FBXL17: variants seen among roughly 807,000 people sequenced by gnomAD.
The protein encoded by FBXL17 is F-box and leucine rich repeat protein 17, also known as F-box/LRR-repeat protein 17.
A neutral mutation model predicts 66.2 loss-of-function variants in FBXL17; 22 were observed. The observed-to-expected ratio is 0.33, with a 90% CI of 0.24 to 0.47. FBXL17 has a LOEUF of 0.47. FBXL17 is among the 20% of genes least tolerant of loss of function. FBXL17 has a pLI of 1.00. For synonymous variants in FBXL17, 474 were observed against 400.5 expected, an observed-to-expected ratio of 1.18 and a Z score of -2.19; for missense variants, 878 against 948.2, an observed-to-expected ratio of 0.93 and a Z score of 0.97.
At chr5:108,138,170 G>T (rs1751216228) in intron 6 of FBXL17, among the ~76,000 whole-genome samples, 1 of 152,178 alleles carries the variant, frequency 6.6e-6, no homozygotes, top group African/African-American at 2.4e-5. Context: ...CTAGCTAATT[G>T]GAGATATCTT....
chr5:108,238,567 G>C (rs923901483), intron 4 of FBXL17, among the ~76,000 whole-genome samples: 1 of 152,170 alleles, frequency 6.6e-6, no homozygotes, highest in Non-Finnish European at 1.5e-5. Flanking sequence ...CTGAAGTGCA[G>C]TGGTGCAATC....
At chr5:107,961,948 C>T (rs759800927) in intron 7 of FBXL17, among the ~76,000 whole-genome samples, 2 of 151,994 alleles carry the variant, frequency 1.3e-5, no homozygotes, top group Admixed American at 6.6e-5. Context: ...TTTACATTTA[C>T]AATAAGAAAC....
chr5:108,208,207 A>T (rs1205667614), intron 5 of FBXL17, among the ~76,000 whole-genome samples: 2 of 152,094 alleles, frequency 1.3e-5, no homozygotes, highest in African/African-American at 4.8e-5. Flanking sequence ...TAGATTCTGG[A>T]TATTAACCCT....
intron 7 of FBXL17, among the ~76,000 whole-genome samples, chr5:107,971,485 AT>A (rs1381796086): frequency 6.6e-6 from 1 of 152,228 alleles, no homozygotes; most frequent in South Asian, 2.1e-4. Context: ...AAACTATGCT[AT>A]TTTTTATGAG....
intron 4 of FBXL17, among the ~76,000 whole-genome samples, chr5:108,321,636 G>C (rs1206133954): frequency 6.6e-6 from 1 of 151,366 alleles, no homozygotes; most frequent in African/African-American, 2.4e-5. Context: ...CATTCAAAAA[G>C]TGCTGTTTTG....
In FBXL17 at chr5:108,234,645, C is replaced by T. The variant is rs114917827; in HGVS notation, c.1507-10417G>A. Among the ~76,000 whole-genome samples the T allele has an allele frequency of 2.8e-3, 433 of 152,264 alleles. 3 individuals carry two copies. The highest frequency in any genetic ancestry group is 9.6e-3 in the African/African-American group (401 of 41,560). ...AGGGAATTTTCTGAGAGAAGTGTTA[C>T]CACTTGATTACTGTTTTCATCTCCT... On this transcript the variant is annotated intron_variant, in intron 4 of 8. Coordinates refer to ENST00000542267, the MANE Select transcript of FBXL17 (RefSeq NM_001163315.3).
At chr5:108,138,906 C>T (rs573271020) in intron 6 of FBXL17, among the ~76,000 whole-genome samples, 33 of 152,228 alleles carry the variant, frequency 2.2e-4, no homozygotes, top group African/African-American at 6.7e-4. Flanking sequence ...ACAAATTTTA[C>T]GGAGAGAGCC....
intron 4 of FBXL17, among the ~76,000 whole-genome samples, chr5:108,310,404 A>G (rs73781320): frequency 0.073 from 11,167 of 152,230 alleles, 1,353 homozygotes; most frequent in African/African-American, 0.25. Flanking sequence ...TACTCGAAAA[A>G]AATGTTTTTA....
intron 7 of FBXL17, among the ~76,000 whole-genome samples, chr5:107,965,948 A>AC (rs1561342964): frequency 6.6e-6 from 1 of 152,000 alleles, no homozygotes; most frequent in African/African-American, 2.4e-5. Context: ...GTCTAGTGAC[A>AC]GTTTTTTTTC....
Position 108,380,907 on chromosome 5 carries a change from G to A in FBXL17, c.785C>T (p.Pro262Leu), listed in dbSNP as rs1346541521. 9 of 1,231,354 alleles carry A rather than the reference G, an allele frequency of 7.3e-6. No individual in the cohort carries two copies. Among genetic ancestry groups the A allele is most frequent in the Non-Finnish European group, 8.1e-6 (8 of 983,070 alleles). 76.3% of individuals were successfully genotyped at this position (1,231,354 alleles called of 1,614,324 possible). Residue 262 changes from proline to leucine, a missense_variant, in exon 1 of 9, where the codon CCC becomes CTC. Around this residue, in one of 4 missense-constraint regions of FBXL17, gnomAD observed 605 missense variants for 509.5 expected, o/e 1.19. Coordinates refer to ENST00000542267, the MANE Select transcript of FBXL17 (RefSeq NM_001163315.3). ...GGCACCTTCGGAGGTGGGAGAAGAG[G>A]GCGGAGGGCAGAGCGGCTGCGGGGG... Reference protein sequence around the residue: ...EQPPQPLCPPPSSPTSEGAPT... With the variant: ...EQPPQPLCPPLSSPTSEGAPT...
Position 108,005,093 on chromosome 5 carries a change from C to CTTT in FBXL17, c.1822+15829_1822+15831dup, listed in dbSNP as rs35383958. 1.3e-3 allele frequency among the ~76,000 whole-genome samples: 191 copies of CTTT among 143,776 alleles called. 1 individual carries two copies. Among genetic ancestry groups the CTTT allele is most frequent in the African/African-American group, 4.6e-3 (180 of 39,008 alleles). 94.3% of individuals were successfully genotyped at this position (143,776 alleles called of 152,430 possible). On this transcript the variant is annotated intron_variant, in intron 7 of 8. Coordinates refer to ENST00000542267, the MANE Select transcript of FBXL17 (RefSeq NM_001163315.3). ...TGCTAGAGTGTCAAATTTTCAATGA[C>CTTT]TTTTTTTTTTTTTTTCTGTTTTGCT... is the stretch of plus-strand genomic sequence containing the variant.
intron 1 of FBXL17, among the ~76,000 whole-genome samples, chr5:108,373,624 T>A (rs1187960450): frequency 6.6e-6 from 1 of 152,038 alleles, no homozygotes; most frequent in Admixed American, 6.6e-5. Context: ...TTAAGACACA[T>A]AAGGCCAGGG....
chr5:108,061,251 C>T (rs1016874054), intron 6 of FBXL17, among the ~76,000 whole-genome samples: 2 of 151,968 alleles, frequency 1.3e-5, no homozygotes, highest in Admixed American at 1.3e-4. Context: ...CATGCCATTG[C>T]ACCCTAGCCT....
At chr5:108,298,046 T>C in intron 4 of FBXL17, 1 of 984,556 alleles carries the variant, frequency 1.0e-6, no homozygotes, top group Non-Finnish European at 1.2e-6. Flanking sequence ...AACAGAATGA[T>C]GATAAAGCAA....
chr5:108,009,304 T>TAGATAGATAG lies in FBXL17; in HGVS notation c.1822+11620_1822+11621insCTATCTATCT, dbSNP rs1165543412. On this transcript the variant is annotated intron_variant, in intron 7 of 8. Transcript: ENST00000542267. The stretch of plus-strand genomic sequence containing the variant: ...ATATATATATATATATATATATACA[T>TAGATAGATAG]ATATACATACACATATAGTTTTGCT... Among the ~76,000 whole-genome samples the TAGATAGATAG allele has an allele frequency of 6.8e-3, 133 of 19,566 alleles. 9 individuals are homozygous for TAGATAGATAG. Among genetic ancestry groups the TAGATAGATAG allele is most frequent in the African/African-American group, 0.019 (106 of 5,706 alleles). 12.8% of individuals were successfully genotyped at this position (19,566 alleles called of 152,430 possible).
At chr5:108,330,238 C>T (rs1760058758) in intron 4 of FBXL17, among the ~76,000 whole-genome samples, 1 of 152,152 alleles carries the variant, frequency 6.6e-6, no homozygotes. Context: ...TCTGTTTCTT[C>T]TCCCAAATAC....
chr5:108,332,941 C>CAAAA lies in FBXL17; in HGVS notation c.1506+15454_1506+15457dup, dbSNP rs34218940. Reference sequence around the variant, plus strand: ...TAACAATGAAAAGCAAAAGCAAAAGCAAAAAAAAAAAAAAAAAAAAAAGAG... The same window carrying CAAAA: ...TAACAATGAAAAGCAAAAGCAAAAGCAAAAAAAAAAAAAAAAAAAAAAAAAAGAG... On this transcript the variant is annotated intron_variant, in intron 4 of 8. Coordinates refer to ENST00000542267, the MANE Select transcript of FBXL17 (RefSeq NM_001163315.3). Among the ~76,000 whole-genome samples the CAAAA allele has an allele frequency of 7.3e-3, 253 of 34,688 alleles. 2 individuals carry two copies. Among genetic ancestry groups the CAAAA allele is most frequent in the East Asian group, 9.7e-3 (10 of 1,026 alleles). 22.8% of individuals were successfully genotyped at this position (34,688 alleles called of 152,430 possible).
chr5:108,229,933 A>T (rs1369899233), intron 4 of FBXL17, among the ~76,000 whole-genome samples: 2 of 152,182 alleles, frequency 1.3e-5, no homozygotes, highest in Non-Finnish European at 2.9e-5. Context: ...TTCTCAAAAG[A>T]AGATATTCAA....
At chr5:108,245,371 T>C (rs1756047113) in intron 4 of FBXL17, among the ~76,000 whole-genome samples, 1 of 152,122 alleles carries the variant, frequency 6.6e-6, no homozygotes, top group Admixed American at 6.5e-5. Context: ...AAGACAATAA[T>C]TACTTGTTAA....
Sources: allele counts gnomAD v4.1 joint callset (sites outside exome capture counted in the v4.1 genomes callset), GRCh38; gene constraint gnomAD v4.1.1; regional missense constraint gnomAD v4.1.1; transcripts MANE v1.5; gene names NCBI Gene and HGNC (gene_info 2026-07-23, HGNC 2026-07-21).